KIF6: variants seen among roughly 807,000 people sequenced by gnomAD.
KIF6 encodes the protein kinesin-like protein KIF6.
In KIF6, 106 loss-of-function variants were observed where a neutral mutation model predicts 112.7. The ratio of observed to expected loss-of-function variants is 0.94; its 90% CI spans 0.80 to 1.11. The LOEUF is 1.11. Ranked by LOEUF, KIF6 falls within the 50% of genes least tolerant of loss-of-function variation. The pLI is 0.00. For synonymous variants in KIF6, 339 were observed against 339.9 expected, an observed-to-expected ratio of 1.00 and a Z score of 0.03; for missense variants, 929 against 964.0, an observed-to-expected ratio of 0.96 and a Z score of 0.48.
chr6:39,474,880 C>T (rs779052827), intron 13 of KIF6, among the ~76,000 whole-genome samples: 4 of 152,340 alleles, frequency 2.6e-5, no homozygotes, highest in African/African-American at 4.8e-5. Flanking sequence ...CCAGGGTGGT[C>T]GTCCAGACAT....
At chr6:39,425,236 T>C (rs1770680303) in intron 14 of KIF6, among the ~76,000 whole-genome samples, 1 of 152,216 alleles carries the variant, frequency 6.6e-6, no homozygotes, top group Admixed American at 6.5e-5. Context: ...AAAGGGTTCC[T>C]ACAATATCTT....
chr6:39,442,918 C>A (rs183936494), intron 13 of KIF6, among the ~76,000 whole-genome samples: 1 of 151,916 alleles, frequency 6.6e-6, no homozygotes, highest in East Asian at 1.9e-4. Context: ...TTGAGACCAT[C>A]CTGGCTAACA....
intron 13 of KIF6, among the ~76,000 whole-genome samples, chr6:39,457,727 A>T (rs1773224555): frequency 6.6e-6 from 1 of 152,240 alleles, no homozygotes; most frequent in African/African-American, 2.4e-5. Flanking sequence ...CTACCATCAA[A>T]GAATACTACA....
At chr6:39,455,654 C>T (rs530453362) in intron 13 of KIF6, among the ~76,000 whole-genome samples, 81 of 147,592 alleles carry the variant, frequency 5.5e-4, no homozygotes, top group Middle Eastern at 3.6e-3. Context: ...ACTAGAATAA[C>T]CAATACAGAG....
At chr6:39,529,582 T>C (rs1468306534) in intron 13 of KIF6, among the ~76,000 whole-genome samples, 1 of 152,126 alleles carries the variant, frequency 6.6e-6, no homozygotes, top group Middle Eastern at 3.2e-3. Flanking sequence ...GTCAAGAGAT[T>C]GAGACTATTC....
At chr6:39,546,397 T>G (rs761928083) in intron 10 of KIF6, among the ~76,000 whole-genome samples, 4 of 152,198 alleles carry the variant, frequency 2.6e-5, no homozygotes, top group Non-Finnish European at 5.9e-5. Context: ...TTTCCCTTAA[T>G]CATCTCTTTA....
intron 13 of KIF6, among the ~76,000 whole-genome samples, chr6:39,487,558 C>T (rs374896602): frequency 3.3e-5 from 5 of 152,284 alleles, no homozygotes; most frequent in South Asian, 4.1e-4. Flanking sequence ...TCCCTTCCCC[C>T]ACAGGTGTCA....
chr6:39,480,511 T>C (rs752817154), intron 13 of KIF6, among the ~76,000 whole-genome samples: 9 of 152,158 alleles, frequency 5.9e-5, no homozygotes, highest in Non-Finnish European at 1.0e-4. Context: ...GGTCTGAAGT[T>C]TTCTTTTTTT....
In KIF6 at chr6:39,703,531, ATT is replaced by A. The variant is rs1789008267; in HGVS notation, c.251+11159_251+11160del. 3.3e-5 allele frequency among the ~76,000 whole-genome samples: 5 copies of A among 152,318 alleles called. No homozygotes were observed. The South Asian group carries it at 1.0e-3, about 32-fold the overall frequency. ...CAAAGCTTTATATAAAATAATATATATTCTTAGTGTTATCAATTAATAAGTAA... is the reference window on the plus strand; with the variant it reads ...CAAAGCTTTATATAAAATAATATATACTTAGTGTTATCAATTAATAAGTAA... On this transcript the variant is annotated intron_variant, in intron 3 of 22. Transcript: ENST00000287152.
At chr6:39,530,484 C>T (rs941991013) in intron 13 of KIF6, among the ~76,000 whole-genome samples, 3 of 152,176 alleles carry the variant, frequency 2.0e-5, no homozygotes, top group Non-Finnish European at 4.4e-5. Context: ...GCGGAACAAT[C>T]TCTCTCATTA....
intron 13 of KIF6, among the ~76,000 whole-genome samples, chr6:39,531,032 C>A (rs927189948): frequency 6.6e-6 from 1 of 151,868 alleles, no homozygotes; most frequent in Non-Finnish European, 1.5e-5. Flanking sequence ...CAAAAAAAAA[C>A]ACATCAATCC....
At chr6:39,636,798 T>C (rs540003291) in intron 4 of KIF6, among the ~76,000 whole-genome samples, 1 of 152,172 alleles carries the variant, frequency 6.6e-6, no homozygotes, top group Non-Finnish European at 1.5e-5. Context: ...TTTGAGAGTT[T>C]AGTATACATT....
chr6:39,503,816 C>A (rs571442620), intron 13 of KIF6, among the ~76,000 whole-genome samples: 2 of 137,064 alleles, frequency 1.5e-5, no homozygotes, highest in East Asian at 2.1e-4. Context: ...ACAAGTTCTG[C>A]AACAGAGGCA....
Position 39,629,967 on chromosome 6 carries a change from C to T in KIF6, c.509+4882G>A, listed in dbSNP as rs183947326. Among the ~76,000 whole-genome samples, 15 of 152,122 alleles carry T rather than the reference C, an allele frequency of 9.9e-5. No homozygotes were observed. The East Asian group carries it at 1.2e-3, about 12-fold the overall frequency. ...TACCCCCTTTCCACTGAATTGCCTT[C>T]GCTTCTTTGTCAAAAATCAGTTGAC... On this transcript the variant is annotated intron_variant, in intron 5 of 22. Transcript: ENST00000287152.
chr6:39,579,041 A>G (rs1381121685), intron 9 of KIF6, among the ~76,000 whole-genome samples: 2 of 152,198 alleles, frequency 1.3e-5, no homozygotes, highest in African/African-American at 4.8e-5. Context: ...CAGTGTTGCT[A>G]TGAACATTAT....
chr6:39,561,998 A>G (rs1333645809), intron 10 of KIF6, among the ~76,000 whole-genome samples: 1 of 152,260 alleles, frequency 6.6e-6, no homozygotes, highest in Admixed American at 6.5e-5. Flanking sequence ...TTGGCTGATG[A>G]CAATGAATAA....
chr6:39,713,381 T>C (rs1397773541), intron 3 of KIF6, among the ~76,000 whole-genome samples: 1 of 152,112 alleles, frequency 6.6e-6, no homozygotes, highest in Non-Finnish European at 1.5e-5. Flanking sequence ...AGTGAGGCAG[T>C]GGAGGCGAAA....
At chr6:39,664,560 T>C (rs575949473) in intron 3 of KIF6, among the ~76,000 whole-genome samples, 13 of 152,296 alleles carry the variant, frequency 8.5e-5, no homozygotes, top group African/African-American at 2.4e-4. Flanking sequence ...GAATTAGATA[T>C]GTAAAGAAGG....
rs1419582951 is a variant in KIF6, at chr6:39,574,859, G to C, written c.1181+3197C>G. Among the ~76,000 whole-genome samples the C allele has an allele frequency of 2.0e-5, 3 of 152,094 alleles. No individual in the cohort carries two copies. In the East Asian group the frequency reaches 5.8e-4, roughly 29 times the overall value. On this transcript the variant is annotated intron_variant, in intron 10 of 22. Coordinates refer to ENST00000287152, the MANE Select transcript of KIF6 (RefSeq NM_145027.6). ...TATCCTTTTATCTCATATTCTGGAA[G>C]AAATCCTTAGCCCTGATCTTCCTAG...
Sources: gnomAD v4.1 joint callset for allele counts (sites outside exome capture counted in the v4.1 genomes callset) on GRCh38, gnomAD v4.1.1 for gene constraint, MANE v1.5 for transcripts, NCBI Gene and HGNC (gene_info 2026-07-23, HGNC 2026-07-21) for gene names.